The following PCDH15 variants were observed in gnomAD, a reference collection of about 807,000 sequenced individuals.
The protein encoded by PCDH15 is protocadherin related 15.
In PCDH15, 129 loss-of-function variants were observed where a neutral mutation model predicts 178.5. The ratio of observed to expected loss-of-function variants is 0.72; its 90% CI spans 0.63 to 0.84. PCDH15 has a LOEUF of 0.84. PCDH15 is among the 40% of genes least tolerant of loss of function. The pLI, the probability that PCDH15 is intolerant of heterozygous loss-of-function variation, is 0.00. For synonymous variants in PCDH15, 800 were observed against 732.0 expected (o/e 1.09, Z -1.50); for missense variants, 2,230 against 2,099.9 (o/e 1.06, Z -1.21).
intron 2 of PCDH15, among the ~76,000 whole-genome samples, chr10:54,941,735 T>A (rs1163753134): frequency 6.6e-6 from 1 of 152,148 alleles, no homozygotes; most frequent in East Asian, 1.9e-4. Flanking sequence ...TTCCCTGCTC[T>A]ATACTGGAGA....
intron 1 of PCDH15, among the ~76,000 whole-genome samples, chr10:54,675,459 T>TG (rs1491299690): frequency 5.9e-5 from 8 of 135,068 alleles, no homozygotes; most frequent in African/African-American, 2.2e-4. Flanking sequence ...CTTTTCATGT[T>TG]GTTTTTTTTT....
At chr10:55,446,328 A>T (rs1475823600) in intron 2 of PCDH15, among the ~76,000 whole-genome samples, 8 of 141,630 alleles carry the variant, frequency 5.6e-5, no homozygotes, top group South Asian at 2.2e-4. Flanking sequence ...TATATATATA[A>T]AACATTCTCA....
At chr10:55,278,345 A>G (rs1842647026) in intron 1 of PCDH15, among the ~76,000 whole-genome samples, 1 of 152,068 alleles carries the variant, frequency 6.6e-6, no homozygotes, top group Non-Finnish European at 1.5e-5. Context: ...GTTTTATTGT[A>G]AATAATTATT....
chr10:55,371,062 T>C (rs1488125619), intron 2 of PCDH15, among the ~76,000 whole-genome samples: 2 of 152,144 alleles, frequency 1.3e-5, no homozygotes, highest in African/African-American at 2.4e-5. Flanking sequence ...TGTTGCATCA[T>C]AGTTTTAGCA....
At chr10:54,038,926 A>C (rs906848288) in intron 18 of PCDH15, among the ~76,000 whole-genome samples, 1 of 152,014 alleles carries the variant, frequency 6.6e-6, no homozygotes, top group Non-Finnish European at 1.5e-5. Context: ...AAGGTGAAAA[A>C]GTCTAGGGTT....
intron 7 of PCDH15, among the ~76,000 whole-genome samples, chr10:54,325,578 G>A (rs1191026599): frequency 2.0e-5 from 3 of 151,876 alleles, no homozygotes; most frequent in Middle Eastern, 3.2e-3. Context: ...CTGAAACCTC[G>A]TTTCTACTAC....
At chr10:54,772,677 T>C (rs1949233194) in intron 1 of PCDH15, among the ~76,000 whole-genome samples, 1 of 152,082 alleles carries the variant, frequency 6.6e-6, no homozygotes, top group Non-Finnish European at 1.5e-5. Flanking sequence ...GGAGTGTAAA[T>C]TATTTCAACC....
At chr10:54,842,081 T>C (rs1475572730) in intron 3 of PCDH15, among the ~76,000 whole-genome samples, 1 of 151,870 alleles carries the variant, frequency 6.6e-6, no homozygotes, top group Non-Finnish European at 1.5e-5. Flanking sequence ...AACTTGAAAT[T>C]GGACTTATTC....
intron 3 of PCDH15, among the ~76,000 whole-genome samples, chr10:54,848,931 T>C (rs1953560912): frequency 2.0e-5 from 3 of 152,176 alleles, no homozygotes; most frequent in Admixed American, 2.0e-4. Context: ...TTGAAAGGCA[T>C]TCCAGGGAGA....
At chr10:55,372,473 T>C (rs1845529534) in intron 2 of PCDH15, among the ~76,000 whole-genome samples, 1 of 152,192 alleles carries the variant, frequency 6.6e-6, no homozygotes. Context: ...TCAAGATTAT[T>C]ACAACCCAGT....
chr10:54,517,061 C>T (rs1167957716), intron 3 of PCDH15, among the ~76,000 whole-genome samples: 5 of 152,086 alleles, frequency 3.3e-5, no homozygotes, highest in Non-Finnish European at 1.5e-5. Context: ...CTGAAGGAAG[C>T]ACTAAACATG....
At chr10:55,534,211 A>G (rs1482823300) in intron 2 of PCDH15, among the ~76,000 whole-genome samples, 1 of 152,060 alleles carries the variant, frequency 6.6e-6, no homozygotes, top group Non-Finnish European at 1.5e-5. Context: ...TGCAACAAAA[A>G]CGAAAATTGA....
chr10:53,926,029 C>T (rs1269869339), intron 25 of PCDH15, among the ~76,000 whole-genome samples: 1 of 152,170 alleles, frequency 6.6e-6, no homozygotes, highest in Non-Finnish European at 1.5e-5. Flanking sequence ...AGATCTTATT[C>T]ATGTCACCCA....
chr10:55,550,572 T>C (rs1003353079), intron 2 of PCDH15, among the ~76,000 whole-genome samples: 2 of 152,284 alleles, frequency 1.3e-5, no homozygotes, highest in African/African-American at 2.4e-5. Flanking sequence ...TGTCTAAATG[T>C]ATATGTTCAT....
intron 2 of PCDH15, among the ~76,000 whole-genome samples, chr10:55,494,228 A>G (rs899344848): frequency 6.6e-6 from 1 of 151,806 alleles, no homozygotes; most frequent in Admixed American, 6.6e-5. Context: ...ATTTTCAACT[A>G]CTATTATTGA....
At chr10:54,235,868 A>G (rs940784773) in intron 9 of PCDH15, among the ~76,000 whole-genome samples, 1 of 152,182 alleles carries the variant, frequency 6.6e-6, no homozygotes, top group Non-Finnish European at 1.5e-5. Context: ...GTTTTTTACA[A>G]ATATAAAAGT....
intron 2 of PCDH15, among the ~76,000 whole-genome samples, chr10:54,613,818 T>C (rs1253007030): frequency 6.6e-6 from 1 of 151,742 alleles, no homozygotes; most frequent in Admixed American, 6.6e-5. Flanking sequence ...TATTGTGAAC[T>C]ATCCGGCACC....
At chr10:54,585,357 G>C (rs2091376226) in intron 2 of PCDH15, among the ~76,000 whole-genome samples, 1 of 152,080 alleles carries the variant, frequency 6.6e-6, no homozygotes, top group Non-Finnish European at 1.5e-5. Context: ...TTAGGAGGCT[G>C]AATATTTTAA....
chr10:55,232,975 T>G (rs1841268373), intron 1 of PCDH15, among the ~76,000 whole-genome samples: 1 of 152,254 alleles, frequency 6.6e-6, no homozygotes, highest in Middle Eastern at 3.4e-3. Context: ...AACTATGAGA[T>G]AGTAAATGTT....
Sources: allele counts gnomAD v4.1 joint callset (sites outside exome capture counted in the v4.1 genomes callset), GRCh38; gene constraint gnomAD v4.1.1; transcripts MANE v1.5; gene names NCBI Gene and HGNC (gene_info 2026-07-23, HGNC 2026-07-21).